The following GRM8 variants were observed in gnomAD, a reference collection of about 807,000 sequenced individuals.
GRM8 encodes the protein metabotropic glutamate receptor 8.
Under a neutral mutation model 87.2 loss-of-function variants are expected in GRM8, and 47 were observed. That is an observed-to-expected ratio of 0.54 (90% CI 0.43 to 0.69). GRM8 has a LOEUF of 0.69. Ranked by LOEUF, GRM8 falls within the 30% of genes least tolerant of loss-of-function variation. GRM8 has a pLI of 0.00. For missense variants in GRM8, 1,019 were observed against 1,139.2 expected, an observed-to-expected ratio of 0.89 and a Z score of 1.52; for synonymous variants, 396 against 404.5, an observed-to-expected ratio of 0.98 and a Z score of 0.25.
At chr7:126,775,479 GTTTTTTTTTTTTTTTT>G (rs372733476) in intron 6 of GRM8, among the ~76,000 whole-genome samples, 8 of 104,758 alleles carry the variant, frequency 7.6e-5, no homozygotes, top group African/African-American at 3.5e-4. Context: ...TGACAAATAG[GTTTTTTTTTTTTTTTT>G]TTTTTTTTTT....
intron 2 of GRM8, among the ~76,000 whole-genome samples, chr7:127,212,470 T>G (rs1170138353): frequency 7.2e-6 from 1 of 139,508 alleles, no homozygotes; most frequent in Non-Finnish European, 1.5e-5. Context: ...CAGGCTGGAG[T>G]GCAGTGGCGG....
intron 7 of GRM8, among the ~76,000 whole-genome samples, chr7:126,682,911 T>C (rs1429768946): frequency 6.6e-6 from 1 of 152,122 alleles, no homozygotes; most frequent in African/African-American, 2.4e-5. Context: ...TAGCTGGGCA[T>C]AGTGGCACGC....
intron 2 of GRM8, among the ~76,000 whole-genome samples, chr7:127,163,230 A>C (rs1793228741): frequency 2.0e-5 from 3 of 152,164 alleles, no homozygotes; most frequent in Non-Finnish European, 2.9e-5. Context: ...GGCCTCAGGA[A>C]GCTTATCAGG....
At chr7:126,703,307 G>A (rs2283068) in intron 7 of GRM8, among the ~76,000 whole-genome samples, 9,840 of 152,192 alleles carry the variant, frequency 0.065, 601 homozygotes, top group East Asian at 0.32. Flanking sequence ...AAACAGAGAC[G>A]AATAGGATAG....
rs183152393 is a variant in GRM8, at chr7:126,490,256, G to A, written c.2430+42696C>T. ...ATTTCATCTTTCTCCTCTTATCCAA[G>A]TTCTCTAATATGACCACCTCTTCAT... On this transcript the variant is annotated intron_variant, in intron 9 of 10. Coordinates refer to ENST00000339582, the MANE Select transcript of GRM8 (RefSeq NM_000845.3). 2.6e-5 allele frequency among the ~76,000 whole-genome samples: 4 copies of A among 152,114 alleles called. No homozygotes were observed. The East Asian group carries it at 7.8e-4, about 30-fold the overall frequency.
intron 3 of GRM8, among the ~76,000 whole-genome samples, chr7:127,030,762 A>G (rs184354645): frequency 2.0e-5 from 3 of 152,226 alleles, no homozygotes; most frequent in Admixed American, 6.5e-5. Context: ...ATGTGCATCT[A>G]TTTAACCTAT....
At chr7:127,085,248 T>A (rs1267000897) in intron 3 of GRM8, among the ~76,000 whole-genome samples, 1 of 152,208 alleles carries the variant, frequency 6.6e-6, no homozygotes, top group African/African-American at 2.4e-5. Flanking sequence ...GTCTTCGCTA[T>A]TGGGAATAGT....
intron 9 of GRM8, among the ~76,000 whole-genome samples, chr7:126,472,838 C>A (rs577076342): frequency 2.0e-5 from 3 of 152,282 alleles, no homozygotes; most frequent in African/African-American, 7.2e-5. Context: ...GAGTCCCAGC[C>A]ATGGCTAATA....
chr7:126,572,901 T>C (rs1482586785), intron 8 of GRM8, among the ~76,000 whole-genome samples: 1 of 151,794 alleles, frequency 6.6e-6, no homozygotes, highest in East Asian at 1.9e-4. Flanking sequence ...ACAAAGATAA[T>C]GAAGACAGAG....
chr7:126,822,792 T>C (rs1469912389), intron 6 of GRM8, among the ~76,000 whole-genome samples: 2 of 152,220 alleles, frequency 1.3e-5, no homozygotes, highest in Non-Finnish European at 2.9e-5. Context: ...TTGAGAGTGC[T>C]TATCTCTGAC....
At chr7:126,611,542 T>A (rs1452570291) in intron 7 of GRM8, among the ~76,000 whole-genome samples, 1 of 152,226 alleles carries the variant, frequency 6.6e-6, no homozygotes, top group Non-Finnish European at 1.5e-5. Flanking sequence ...ATGTTGAGAA[T>A]TTCACATTAA....
intron 3 of GRM8, among the ~76,000 whole-genome samples, chr7:126,977,231 ATTTGT>A (rs767426887): frequency 5.3e-5 from 8 of 152,220 alleles, no homozygotes; most frequent in Non-Finnish European, 1.0e-4. Flanking sequence ...AGAGGTTCTG[ATTTGT>A]TTTAACAAAA....
chr7:126,554,822 A>G (rs2150940497), intron 8 of GRM8, among the ~76,000 whole-genome samples: 1 of 152,242 alleles, frequency 6.6e-6, no homozygotes, highest in East Asian at 1.9e-4. Context: ...AGGGCACTAA[A>G]TTACATAACT....
At chr7:126,799,202 G>C (rs928963827) in intron 6 of GRM8, among the ~76,000 whole-genome samples, 1 of 152,038 alleles carries the variant, frequency 6.6e-6, no homozygotes, top group Admixed American at 6.6e-5. Flanking sequence ...CCAACCTCTT[G>C]AATCAGATTC....
intron 8 of GRM8, among the ~76,000 whole-genome samples, chr7:126,603,403 A>G (rs910100574): frequency 6.6e-6 from 1 of 151,030 alleles, no homozygotes; most frequent in African/African-American, 2.4e-5. Context: ...AGGCAGGAGA[A>G]GGAAATAAAG....
intron 3 of GRM8, among the ~76,000 whole-genome samples, chr7:126,962,040 C>A (rs574153979): frequency 6.6e-6 from 1 of 152,294 alleles, no homozygotes; most frequent in East Asian, 1.9e-4. Context: ...TCCTTCCAAA[C>A]CCTGGGACCA....
chr7:127,099,629 G>T (rs1160233007), intron 3 of GRM8, among the ~76,000 whole-genome samples: 1 of 152,162 alleles, frequency 6.6e-6, no homozygotes, highest in African/African-American at 2.4e-5. Flanking sequence ...AAAGGAATTT[G>T]TGAACTCGCT....
intron 7 of GRM8, among the ~76,000 whole-genome samples, chr7:126,752,502 A>G (rs1170040282): frequency 6.6e-6 from 1 of 152,120 alleles, no homozygotes; most frequent in Non-Finnish European, 1.5e-5. Context: ...CTTCCTAACT[A>G]CAGTAGGGTA....
chr7:127,107,337 C>A (rs1486580022), intron 2 of GRM8, among the ~76,000 whole-genome samples: 2 of 152,160 alleles, frequency 1.3e-5, no homozygotes, highest in African/African-American at 4.8e-5. Context: ...ATTCTAACCC[C>A]CTTCAAAACA....
Sources: gnomAD v4.1 joint callset for allele counts (sites outside exome capture counted in the v4.1 genomes callset) on GRCh38, gnomAD v4.1.1 for gene constraint, MANE v1.5 for transcripts, NCBI Gene and HGNC (gene_info 2026-07-23, HGNC 2026-07-21) for gene names.